Variants in C16orf74 observed in about 807,000 individuals in gnomAD.
The protein encoded by C16orf74 is calcimembrin.
A neutral mutation model predicts 6.5 loss-of-function variants in C16orf74; 10 were observed. The observed-to-expected ratio is 1.54, with a 90% CI of 0.95 to 2.61. The LOEUF is 2.61. Among genes scored for constraint, C16orf74 ranks in the 30% most tolerant of loss-of-function variants. C16orf74 has a pLI of 0.00. For synonymous variants in C16orf74, 60 were observed against 42.5 expected (o/e 1.41, Z -1.60); for missense variants, 141 against 105.9 (o/e 1.33, Z -1.45).
At chr16:85,719,006 T>C (rs1182764447) in intron 2 of C16orf74, among the ~76,000 whole-genome samples, 1 of 152,236 alleles carries the variant, frequency 6.6e-6, no homozygotes, top group Non-Finnish European at 1.5e-5. Flanking sequence ...TCCCTTATTC[T>C]ATGGGAATGG....
At chr16:85,722,426 C>T (rs753689196) in intron 2 of C16orf74, among the ~76,000 whole-genome samples, 2 of 152,176 alleles carry the variant, frequency 1.3e-5, no homozygotes, top group South Asian at 2.1e-4. Flanking sequence ...TGGGAAAGGC[C>T]GCAGCCAGAG....
intron 2 of C16orf74, among the ~76,000 whole-genome samples, chr16:85,734,631 G>T (rs2054224552): frequency 6.6e-6 from 1 of 152,174 alleles, no homozygotes; most frequent in Non-Finnish European, 1.5e-5. Context: ...AAAGAAGAGG[G>T]GCAGCAATGG....
chr16:85,737,567 C>T (rs542713917), intron 1 of C16orf74, among the ~76,000 whole-genome samples: 2 of 152,304 alleles, frequency 1.3e-5, no homozygotes, highest in South Asian at 2.1e-4. Context: ...CGGTGGCTCA[C>T]GTCTGTAATC....
At chr16:85,741,087 C>T (rs1334931960) in intron 1 of C16orf74, among the ~76,000 whole-genome samples, 1 of 152,192 alleles carries the variant, frequency 6.6e-6, no homozygotes, top group Non-Finnish European at 1.5e-5. Context: ...GAAAGAAAGG[C>T]AACATCCAGA....
intron 2 of C16orf74, among the ~76,000 whole-genome samples, chr16:85,716,328 T>G (rs1159434240): frequency 1.6e-3 from 74 of 44,932 alleles, no homozygotes; most frequent in Admixed American, 3.1e-3. Flanking sequence ...AGGAGTAAGT[T>G]GGGGGAGAAG....
intron 2 of C16orf74, among the ~76,000 whole-genome samples, chr16:85,729,926 G>A (rs147452052): frequency 1.4e-3 from 208 of 152,300 alleles, no homozygotes; most frequent in African/African-American, 4.6e-3. Context: ...GCCCCCCAGC[G>A]TGGTCATTTG....
intron 1 of C16orf74, among the ~76,000 whole-genome samples, chr16:85,746,645 G>A (rs1278497901): frequency 6.6e-6 from 1 of 152,162 alleles, no homozygotes. Flanking sequence ...GGCTGAAGAA[G>A]AGTCACAGCT....
intron 2 of C16orf74, among the ~76,000 whole-genome samples, chr16:85,724,452 T>C (rs2054112988): frequency 6.6e-6 from 1 of 152,212 alleles, no homozygotes; most frequent in African/African-American, 2.4e-5. Flanking sequence ...TCGGCCATAC[T>C]CTGGCTGGGT....
chr16:85,739,586 T>C (rs2054280833), intron 1 of C16orf74, among the ~76,000 whole-genome samples: 1 of 152,136 alleles, frequency 6.6e-6, no homozygotes, highest in Non-Finnish European at 1.5e-5. Context: ...GGTGTGTTTG[T>C]TTGAAAAGTA....
At chr16:85,727,411 G>A (rs1190982588) in intron 2 of C16orf74, among the ~76,000 whole-genome samples, 2 of 152,216 alleles carry the variant, frequency 1.3e-5, no homozygotes, top group Non-Finnish European at 2.9e-5. Context: ...CTGAGAAACT[G>A]TCACAGCCAA....
chr16:85,708,929 G>A (rs2053939542), intron 3 of C16orf74, among the ~76,000 whole-genome samples: 1 of 152,262 alleles, frequency 6.6e-6, no homozygotes, highest in African/African-American at 2.4e-5. Flanking sequence ...GCTAACTGAT[G>A]CCACTTGCGG....
chr16:85,715,482 C>G (rs1427472097), intron 2 of C16orf74, among the ~76,000 whole-genome samples: 1 of 152,170 alleles, frequency 6.6e-6, no homozygotes, highest in Non-Finnish European at 1.5e-5. Flanking sequence ...CTGGCTGACC[C>G]CAAGAGCCGG....
intron 2 of C16orf74, among the ~76,000 whole-genome samples, chr16:85,733,173 G>A (rs1262865087): frequency 6.6e-6 from 1 of 152,198 alleles, no homozygotes; most frequent in Non-Finnish European, 1.5e-5. Flanking sequence ...TTGGAGAAGT[G>A]GATAAAGAAA....
In C16orf74 at chr16:85,717,312, T is replaced by A. The variant is rs541131614; in HGVS notation, c.29-7005A>T. The stretch of plus-strand genomic sequence containing the variant: ...ATTGAGATCACCTGGGAAGTTAACA[T>A]CACCTATCCAGGGCCTCAGCCCAGG... On this transcript the variant is annotated intron_variant, in intron 2 of 3. Coordinates refer to ENST00000284245, the MANE Select transcript of C16orf74 (RefSeq NM_206967.3). Among the ~76,000 whole-genome samples the A allele has an allele frequency of 5.3e-5, 8 of 152,282 alleles. No individual in the cohort carries two copies. The South Asian group carries it at 1.7e-3, about 32-fold the overall frequency.
chr16:85,709,946 G>A (rs1249342000), intron 3 of C16orf74, among the ~76,000 whole-genome samples: 1 of 152,258 alleles, frequency 6.6e-6, no homozygotes, highest in Non-Finnish European at 1.5e-5. Flanking sequence ...GGCAGGGGCT[G>A]TCTACTAATT....
Position 85,707,537 on chromosome 16 carries a change from T to C in C16orf74, c.*471A>G, listed in dbSNP as rs2053924225. On this transcript the variant is annotated 3_prime_UTR_variant, in exon 4 of 4. Transcript: ENST00000284245. ...CACTATTTGTTACAGAGGATCTTTA[T>C]TTATAATGCAAAAAAGAAATTATAA... 6.5e-6 allele frequency: 1 copy of C among 154,098 alleles called. No individual in the cohort carries two copies. Among genetic ancestry groups the C allele is most frequent in the South Asian group, 2.1e-4 (1 of 4,868 alleles). The allele number at this position is 154,098 out of a possible 1,614,324, so 9.5% of individuals were successfully genotyped here.
At chr16:85,742,334 C>G (rs1447132283) in intron 1 of C16orf74, among the ~76,000 whole-genome samples, 1 of 152,140 alleles carries the variant, frequency 6.6e-6, no homozygotes, top group Non-Finnish European at 1.5e-5. Flanking sequence ...GATCATGCCA[C>G]TGCACTCCAT....
chr16:85,736,899 C>T (rs907188347), intron 1 of C16orf74, among the ~76,000 whole-genome samples: 4 of 152,054 alleles, frequency 2.6e-5, no homozygotes, highest in African/African-American at 9.7e-5. Flanking sequence ...AAAAAATGAG[C>T]CAGGCATGGT....
intron 2 of C16orf74, among the ~76,000 whole-genome samples, chr16:85,732,321 G>A (rs991525677): frequency 1.3e-5 from 2 of 152,202 alleles, no homozygotes; most frequent in Non-Finnish European, 2.9e-5. Flanking sequence ...CCCTAGGACA[G>A]TAAGACCCCA....
Sources: gnomAD v4.1 joint callset for allele counts (sites outside exome capture counted in the v4.1 genomes callset) on GRCh38, gnomAD v4.1.1 for gene constraint, MANE v1.5 for transcripts, NCBI Gene and HGNC (gene_info 2026-07-23, HGNC 2026-07-21) for gene names.